The following INSL6 variants were observed in gnomAD, a reference collection of about 807,000 sequenced individuals.
The protein encoded by INSL6 is insulin like 6.
In INSL6, 16 loss-of-function variants were observed where a neutral mutation model predicts 9.4. The ratio of observed to expected loss-of-function variants is 1.70; its 90% CI spans 1.15 to 2.59. The LOEUF is 2.59. INSL6 is among the 30% of genes most tolerant of loss of function. INSL6 has a pLI of 0.00. For synonymous variants in INSL6, 154 were observed against 96.9 expected (o/e 1.59, Z -3.46); for missense variants, 391 against 257.3 (o/e 1.52, Z -3.56).
chr9:5,078,261 A>G, the INSL6 span: 2 of 1,527,742 alleles, frequency 1.3e-6, no homozygotes, highest in Non-Finnish European at 1.8e-6. Flanking sequence ...ATGCTCCAGT[A>G]CTTGTGGACT....
At chr9:5,184,539 T>C (rs1022881268) in intron 1 of INSL6, among the ~76,000 whole-genome samples, 3 of 152,230 alleles carry the variant, frequency 2.0e-5, no homozygotes, top group African/African-American at 4.8e-5. Flanking sequence ...GGCCATCTGC[T>C]AAGCATTTCA....
the INSL6 span, among the ~76,000 whole-genome samples, chr9:5,002,117 T>C: frequency 6.6e-6 from 1 of 151,954 alleles, no homozygotes; most frequent in African/African-American, 2.4e-5. Flanking sequence ...TTAAATCTTT[T>C]CTAAAAACAA....
the INSL6 span, chr9:5,114,402 A>G: frequency 2.0e-6 from 1 of 511,622 alleles, no homozygotes; most frequent in Admixed American, 2.3e-5. Context: ...GGTGGGCACC[A>G]GAGACTGGAT....
the INSL6 span, among the ~76,000 whole-genome samples, chr9:5,027,203 G>T: frequency 6.6e-6 from 1 of 152,152 alleles, no homozygotes; most frequent in African/African-American, 2.4e-5. Context: ...TTAAAATACT[G>T]ACACACCTCG....
At chr9:5,155,159 GT>G (rs1824790621) in intron 2 of INSL6, among the ~76,000 whole-genome samples, 1 of 151,772 alleles carries the variant, frequency 6.6e-6, no homozygotes, top group Admixed American at 6.6e-5. Context: ...AAAATGATGA[GT>G]TCATGTCCTT....
the INSL6 span, among the ~76,000 whole-genome samples, chr9:5,015,845 A>G: frequency 6.6e-6 from 1 of 152,326 alleles, no homozygotes; most frequent in Non-Finnish European, 1.5e-5. Context: ...TGTGATTTCC[A>G]GTTACCATCC....
chr9:4,996,402 C>A, the INSL6 span, among the ~76,000 whole-genome samples: 4 of 151,812 alleles, frequency 2.6e-5, no homozygotes, highest in Non-Finnish European at 5.9e-5. Flanking sequence ...GAGCTGAGAT[C>A]GTGCCATTGC....
At chr9:5,067,701 T>C in the INSL6 span, among the ~76,000 whole-genome samples, 1 of 152,070 alleles carries the variant, frequency 6.6e-6, no homozygotes, top group Non-Finnish European at 1.5e-5. Context: ...AAGCCTAATA[T>C]GAGAGCTATG....
At chr9:5,140,897 T>C (rs1173529269) in intron 2 of INSL6, among the ~76,000 whole-genome samples, 2 of 152,126 alleles carry the variant, frequency 1.3e-5, no homozygotes, top group African/African-American at 4.8e-5. Context: ...GTATGTGTTG[T>C]TCCCCTCTTT....
the INSL6 span, among the ~76,000 whole-genome samples, chr9:5,008,875 T>C: frequency 6.6e-6 from 1 of 152,216 alleles, no homozygotes; most frequent in Non-Finnish European, 1.5e-5. Context: ...ATTGATCCTC[T>C]TATTTCTTAC....
chr9:5,148,947 AC>A (rs112978686), intron 2 of INSL6, among the ~76,000 whole-genome samples: 16,497 of 152,192 alleles, frequency 0.11, 2,776 homozygotes, highest in African/African-American at 0.37. Flanking sequence ...TGCAAAACAG[AC>A]ATGCTGCAGG....
chr9:5,076,767 C>T, the INSL6 span, among the ~76,000 whole-genome samples: 3 of 152,076 alleles, frequency 2.0e-5, no homozygotes, highest in East Asian at 5.8e-4. Context: ...AAATACACAT[C>T]TACACTTGTA....
At chr9:5,142,904 T>A (rs900312218) in intron 2 of INSL6, among the ~76,000 whole-genome samples, 1 of 152,194 alleles carries the variant, frequency 6.6e-6, no homozygotes, top group Admixed American at 6.5e-5. Flanking sequence ...CAGTTTAACA[T>A]GAATGGATGT....
At chr9:5,179,510 A>G (rs902878300) in intron 1 of INSL6, among the ~76,000 whole-genome samples, 1 of 152,222 alleles carries the variant, frequency 6.6e-6, no homozygotes, top group Non-Finnish European at 1.5e-5. Flanking sequence ...ACCCAAAGGA[A>G]TGTAAATCAT....
the INSL6 span, among the ~76,000 whole-genome samples, chr9:5,031,078 G>C: frequency 1.3e-5 from 2 of 152,006 alleles, no homozygotes; most frequent in Non-Finnish European, 2.9e-5. Context: ...GTTATTTGAA[G>C]AATATGAAGA....
At chr9:5,074,978 G>A in the INSL6 span, among the ~76,000 whole-genome samples, 1 of 152,216 alleles carries the variant, frequency 6.6e-6, no homozygotes, top group Non-Finnish European at 1.5e-5. Context: ...TTACAAGAAA[G>A]TGAAACAGTC....
chr9:5,179,103 T>C (rs1054913855), intron 1 of INSL6, among the ~76,000 whole-genome samples: 1 of 149,610 alleles, frequency 6.7e-6, no homozygotes, highest in Non-Finnish European at 1.5e-5. Context: ...AGAAAATTTC[T>C]GCAATCTATC....
chr9:5,046,553 G>A, the INSL6 span, among the ~76,000 whole-genome samples: 1 of 152,080 alleles, frequency 6.6e-6, no homozygotes, highest in Non-Finnish European at 1.5e-5. Flanking sequence ...TAGGCATTGG[G>A]TCCATTTTGA....
chr9:5,141,363 A>G (rs1288767120), intron 2 of INSL6, among the ~76,000 whole-genome samples: 1 of 152,036 alleles, frequency 6.6e-6, no homozygotes, highest in Non-Finnish European at 1.5e-5. Flanking sequence ...CCTCACCAGC[A>G]TATGTGTTTT....
Sources: gnomAD v4.1 joint callset for allele counts (sites outside exome capture counted in the v4.1 genomes callset) on GRCh38, gnomAD v4.1.1 for gene constraint, MANE v1.5 for transcripts, NCBI Gene and HGNC (gene_info 2026-07-23, HGNC 2026-07-21) for gene names.